KCNQ3: variants seen among roughly 807,000 people sequenced by gnomAD.
KCNQ3 encodes the protein potassium voltage-gated channel subfamily Q member 3, also known as potassium voltage-gated channel subfamily KQT member 3.
In KCNQ3, 30 loss-of-function variants were observed where a neutral mutation model predicts 92.5. The ratio of observed to expected loss-of-function variants is 0.32; its 90% confidence interval spans 0.24 to 0.44. The LOEUF is 0.44. Among genes scored for constraint, KCNQ3 ranks in the 20% least tolerant of loss-of-function variants. The probability of loss-of-function intolerance (pLI) is 1.00; values close to 1 mark genes in which losing one functional copy is unlikely to be tolerated. For missense variants in KCNQ3, 913 were observed against 1,140.3 expected (o/e 0.80, Z 2.87); for synonymous variants, 450 against 468.8 (o/e 0.96, Z 0.52).
chr8:132,252,046 T>C (rs1815428965), intron 1 of KCNQ3, among the ~76,000 whole-genome samples: 1 of 152,132 alleles, frequency 6.6e-6, no homozygotes, highest in Admixed American at 6.5e-5. Context: ...TTTGTTTTTC[T>C]CCTGATGGGG....
At position 132,136,061 on chromosome 8, in the gene KCNQ3, G is replaced by A. The variant is rs1288816689; in HGVS notation, c.1701-1673C>T. Among the ~76,000 whole-genome samples the A allele has an allele frequency of 2.9e-5, 4 of 136,186 alleles. No individual in the cohort carries two copies. In the East Asian group the frequency reaches 9.7e-4, roughly 33 times the overall value. 89.3% of individuals were successfully genotyped at this position (136,186 alleles called of 152,430 possible). On this transcript the variant is annotated intron_variant, in intron 12 of 14. Transcript: ENST00000388996. ...TTGAACCCGGGAGGCAGAGGTTGCA[G>A]TGAGCCGAGATCGCGCCACTGCACT...
chr8:132,180,401 T>C (rs1826720949), intron 3 of KCNQ3, 72 bp from the exon 4 acceptor site: 1 of 1,550,588 alleles, frequency 6.4e-7, no homozygotes, highest in South Asian at 1.1e-5. Flanking sequence ...GGCGTCATCA[T>C]AGGTGCTGTT....
chr8:132,406,564 G>GAC (rs965962153), intron 1 of KCNQ3, among the ~76,000 whole-genome samples: 9 of 150,968 alleles, frequency 6.0e-5, no homozygotes, highest in South Asian at 2.1e-4. Flanking sequence ...CTCACACACA[G>GAC]ACACACACAC....
At chr8:132,265,092 A>G (rs372621794) in intron 1 of KCNQ3, among the ~76,000 whole-genome samples, 1 of 37,656 alleles carries the variant, frequency 2.7e-5, no homozygotes, top group Admixed American at 4.6e-4. Flanking sequence ...AAGGACTGCT[A>G]AAAAGGTAAT....
At chr8:132,199,233 C>T (rs1479368782) in intron 1 of KCNQ3, among the ~76,000 whole-genome samples, 2 of 152,132 alleles carry the variant, frequency 1.3e-5, no homozygotes, top group African/African-American at 4.8e-5. Context: ...TTAAAAACTT[C>T]AACCAATCCT....
intron 1 of KCNQ3, among the ~76,000 whole-genome samples, chr8:132,243,159 CTA>C (rs1322330411): frequency 6.6e-6 from 1 of 152,196 alleles, no homozygotes; most frequent in Non-Finnish European, 1.5e-5. Context: ...TGGAAACTGA[CTA>C]TGAGATTTAG....
intron 12 of KCNQ3, 133 bp from the exon 13 acceptor site, chr8:132,134,521 TGAGGA>T (rs972254860): frequency 3.1e-6 from 2 of 647,548 alleles, no homozygotes; most frequent in Admixed American, 2.2e-5. Flanking sequence ...AGAGGAGAAG[TGAGGA>T]GAGGAGAGGG....
chr8:132,226,871 A>G (rs1814437580), intron 1 of KCNQ3, among the ~76,000 whole-genome samples: 1 of 152,130 alleles, frequency 6.6e-6, no homozygotes, highest in Admixed American at 6.5e-5. Context: ...ACTCATATAA[A>G]GGTTTAGAAA....
At chr8:132,331,490 G>T (rs548185394) in intron 1 of KCNQ3, among the ~76,000 whole-genome samples, 2 of 152,262 alleles carry the variant, frequency 1.3e-5, no homozygotes, top group South Asian at 4.1e-4. Context: ...TTAACATCTG[G>T]CCTCTTACTC....
chr8:132,420,241 C>A (rs550340473), intron 1 of KCNQ3, among the ~76,000 whole-genome samples: 10 of 152,302 alleles, frequency 6.6e-5, no homozygotes, highest in African/African-American at 2.4e-4. Flanking sequence ...AAAGCCCCAC[C>A]TCCTAATACT....
intron 1 of KCNQ3, among the ~76,000 whole-genome samples, chr8:132,253,274 C>T (rs1815475519): frequency 6.6e-6 from 1 of 152,170 alleles, no homozygotes; most frequent in Admixed American, 6.5e-5. Context: ...GGGCACTACT[C>T]CTGGCTCTAC....
At chr8:132,147,644 T>C (rs1426433331) in intron 9 of KCNQ3, among the ~76,000 whole-genome samples, 5 of 152,134 alleles carry the variant, frequency 3.3e-5, no homozygotes, top group African/African-American at 4.8e-5. Context: ...AATGGATGGA[T>C]GAAGATGGGT....
chr8:132,452,099 A>AT (rs1465326207), intron 1 of KCNQ3, among the ~76,000 whole-genome samples: 4 of 152,174 alleles, frequency 2.6e-5, no homozygotes, highest in African/African-American at 4.8e-5. Flanking sequence ...CATAACATAA[A>AT]TTTTTATCAT....
chr8:132,148,165 C>T (rs1024586262), intron 9 of KCNQ3, among the ~76,000 whole-genome samples: 8 of 152,032 alleles, frequency 5.3e-5, no homozygotes, highest in South Asian at 2.1e-4. Flanking sequence ...TGATAATGAA[C>T]GTGAAGTGGC....
intron 1 of KCNQ3, among the ~76,000 whole-genome samples, chr8:132,416,545 G>C (rs1222702079): frequency 6.6e-6 from 1 of 152,114 alleles, no homozygotes; most frequent in Non-Finnish European, 1.5e-5. Flanking sequence ...ATTTGAACCT[G>C]GGAGGCAGAG....
At chr8:132,419,123 G>T (rs117192240) in intron 1 of KCNQ3, among the ~76,000 whole-genome samples, 3,195 of 152,240 alleles carry the variant, frequency 0.021, 39 homozygotes, top group Middle Eastern at 0.037. Context: ...ATGCCTTCCA[G>T]TCCAAAAGCC....
At chr8:132,134,536 G>C (rs1440001280) in intron 12 of KCNQ3, 148 bp from the exon 13 acceptor site, 3 of 631,334 alleles carry the variant, frequency 4.8e-6, no homozygotes, top group East Asian at 5.7e-5. Context: ...AGAGGAGAGG[G>C]GAGGAGAGGA....
intron 1 of KCNQ3, among the ~76,000 whole-genome samples, chr8:132,216,640 A>G (rs938004733): frequency 1.3e-5 from 2 of 152,208 alleles, no homozygotes; most frequent in Non-Finnish European, 2.9e-5. Flanking sequence ...TACACAAATC[A>G]TTCTTAACAC....
rs1392626791 is a variant in KCNQ3 at position 132,481,026 on chromosome 8, T to C, written c.-494A>G. On this transcript the variant is annotated 5_prime_UTR_variant, in exon 1 of 15. Coordinates refer to ENST00000388996, the MANE Select transcript of KCNQ3 (RefSeq NM_004519.4). ...TCCTCCGCGCTCCCACCCGCGCCCC[T>C]CCCCGCCCGTTCCAGCCTCAGCCTG... 37 of 120,516 alleles carry C rather than the reference T, an allele frequency of 3.1e-4. 1 individual carries two copies. In the South Asian group the frequency reaches 8.6e-3, roughly 28 times the overall value. The allele number at this position is 120,516 out of a possible 1,614,324, so 7.5% of individuals were successfully genotyped here.
Sources: allele counts gnomAD v4.1 joint callset (sites outside exome capture counted in the v4.1 genomes callset), GRCh38; gene constraint gnomAD v4.1.1; transcripts MANE v1.5; gene names NCBI Gene and HGNC (gene_info 2026-07-23, HGNC 2026-07-21).